DHTKD1: variants seen among roughly 807,000 people sequenced by gnomAD.
DHTKD1 encodes the protein dehydrogenase E1 and transketolase domain containing 1.
In DHTKD1, 78 loss-of-function variants were observed where a neutral mutation model predicts 101.8. The observed-to-expected ratio is 0.77, with a 90% CI of 0.64 to 0.93. The LOEUF (loss-of-function observed/expected upper bound fraction) is 0.93, where lower values mean the gene tolerates loss of function less well. Among genes scored for constraint, DHTKD1 ranks in the 40% least tolerant of loss-of-function variants. The probability of loss-of-function intolerance (pLI) is 0.00; values close to 1 mark genes in which losing one functional copy is unlikely to be tolerated. For missense variants in DHTKD1, 1,223 were observed against 1,161.7 expected (o/e 1.05, Z -0.77); for synonymous variants, 462 against 450.3 (o/e 1.03, Z -0.33).
At chr10:12,091,037 G>C (rs1371446558) in intron 5 of DHTKD1, among the ~76,000 whole-genome samples, 3 of 151,956 alleles carry the variant, frequency 2.0e-5, no homozygotes, top group Admixed American at 6.6e-5. Context: ...CTGGGCAACA[G>C]AGCGAGACTC....
In DHTKD1 at chr10:12,117,731, G is replaced by A. The variant is rs762495948; in HGVS notation, c.2378G>A (p.Gly793Asp). The change falls in exon 14 of 17, where the codon GGT becomes GAT. Residue 793 changes from glycine to aspartate, a missense_variant. Coordinates refer to ENST00000263035, the MANE Select transcript of DHTKD1 (RefSeq NM_018706.7). ...GGAACAACATTTAACCCGGTCATTGGTGATTCATCTGTGGATCCAAAAAAG... is the reference window on the plus strand; with the variant it reads ...GGAACAACATTTAACCCGGTCATTGATGATTCATCTGTGGATCCAAAAAAG... ...APGTTFNPVI[G>D]DSSVDPKKVK... 2.3e-5 allele frequency: 37 copies of A among 1,603,606 alleles called. No individual in the cohort carries two copies. The highest frequency in any genetic ancestry group is 3.1e-5 in the Non-Finnish European group (36 of 1,173,638).
intron 10 of DHTKD1, among the ~76,000 whole-genome samples, chr10:12,105,526 C>T (rs1201486809): frequency 6.6e-6 from 1 of 151,972 alleles, no homozygotes; most frequent in Non-Finnish European, 1.5e-5. Flanking sequence ...CCATGTTGCC[C>T]ATGTTGATCT....
At chr10:12,118,595 G>A (rs949128106) in intron 14 of DHTKD1, among the ~76,000 whole-genome samples, 154 bp from the exon 15 acceptor site, 2 of 151,818 alleles carry the variant, frequency 1.3e-5, no homozygotes, top group Non-Finnish European at 2.9e-5. Flanking sequence ...TGTTAGCCAG[G>A]ATGGTCTTGA....
rs1832817836 is a variant in DHTKD1 at position 12,081,501 on chromosome 10, G to A, written c.184G>A (p.Val62Ile). The change falls in exon 2 of 17, where the codon GTA (valine) becomes ATA (isoleucine). Residue 62 changes from valine (V) to isoleucine (I), a missense_variant. Transcript: ENST00000263035. ...VDHGLARLVT[V>I]YCEHGHKAAK... ...TCATGGCCTTGCCAGGTTGGTGACA[G>A]TATATTGTGAGCATGGTCATAAAGC... 1 of 1,614,094 alleles carries A rather than the reference G, an allele frequency of 6.2e-7. No homozygotes were observed.
At chr10:12,099,477 A>G (rs1044228135) in intron 8 of DHTKD1, among the ~76,000 whole-genome samples, 1 of 152,104 alleles carries the variant, frequency 6.6e-6, no homozygotes. Context: ...ATTTGAGTTC[A>G]GGGGTTCAAG....
chr10:12,097,883 A>G lies in DHTKD1; in HGVS notation c.1558A>G (p.Thr520Ala), dbSNP rs765330101. ...QGLAQPEAQI[T>A]TWSTGVPLDL... is the part of the protein sequence containing the mutation. ...CCTGGCTCAGCCAGAAGCGCAAATC[A>G]CCACCTGGAGTACAGGTGTGCCCCT... is the stretch of plus-strand genomic sequence containing the variant. Residue 520 changes from threonine to alanine, a missense_variant, in exon 8 of 17, where the codon ACC becomes GCC. Thr to Ala is a moderately conservative substitution (Grantham distance 58). Transcript: ENST00000263035. 1.2e-6 allele frequency: 2 copies of G among 1,614,152 alleles called. No individual in the cohort carries two copies. The highest frequency in any genetic ancestry group is 1.7e-6 in the Non-Finnish European group (2 of 1,180,022).
intron 12 of DHTKD1, among the ~76,000 whole-genome samples, chr10:12,108,663 A>G (rs943451483): frequency 1.1e-4 from 16 of 152,288 alleles, no homozygotes; most frequent in African/African-American, 3.8e-4. Context: ...CTCCTTTTGC[A>G]TGTTATTTCC....
chr10:12,115,113 A>T (rs942640086), intron 13 of DHTKD1, among the ~76,000 whole-genome samples: 5 of 117,052 alleles, frequency 4.3e-5, no homozygotes, highest in African/African-American at 1.3e-4. Context: ...CAGTTTCTTG[A>T]GATGGAGTGT....
chr10:12,085,017 C>G (rs1024273912), intron 3 of DHTKD1, among the ~76,000 whole-genome samples: 9 of 152,028 alleles, frequency 5.9e-5, no homozygotes, highest in African/African-American at 2.2e-4. Flanking sequence ...CGCCATTGCA[C>G]TCCACCCTGG....
chr10:12,096,187 G>A (rs1833069277), intron 7 of DHTKD1, among the ~76,000 whole-genome samples: 1 of 152,018 alleles, frequency 6.6e-6, no homozygotes, highest in Non-Finnish European at 1.5e-5. Flanking sequence ...TCCTTTTCTA[G>A]ATACTAGAAA....
chr10:12,099,001 C>T (rs570524380), intron 8 of DHTKD1, among the ~76,000 whole-genome samples: 3 of 152,106 alleles, frequency 2.0e-5, no homozygotes, highest in South Asian at 2.1e-4. Context: ...TGGACCTTAT[C>T]GCTAGTAAAG....
At chr10:12,095,669 C>T (rs1425758032) in intron 7 of DHTKD1, among the ~76,000 whole-genome samples, 9 of 151,720 alleles carry the variant, frequency 5.9e-5, no homozygotes, top group African/African-American at 1.7e-4. Context: ...AAAAATTAGC[C>T]GGGCGTGGTG....
intron 2 of DHTKD1, among the ~76,000 whole-genome samples, chr10:12,083,304 A>G (rs916027695): frequency 2.0e-4 from 31 of 152,216 alleles, no homozygotes; most frequent in African/African-American, 7.2e-4. Flanking sequence ...TCACAAAGAA[A>G]ATCTCACAAT....
rs568565170 is a variant in DHTKD1, at chr10:12,087,412, G to A, written c.523-123G>A. On this transcript the variant is annotated intron_variant, in intron 3 of 16. Coordinates refer to ENST00000263035, the MANE Select transcript of DHTKD1 (RefSeq NM_018706.7). This position sits in a 1 kb window ranked among gnomAD's most constrained non-coding sequence, Gnocchi z 5.2. ...GTCTCTCTCCGGGATATGTAGTAAA[G>A]TGGCATTGCTGTGGCCACTTGGGGA... 2 of 715,422 alleles carry A rather than the reference G, an allele frequency of 2.8e-6. No individual in the cohort carries two copies. Among genetic ancestry groups the A allele is most frequent in the Middle Eastern group, 4.2e-4 (1 of 2,402 alleles). 44.3% of individuals were successfully genotyped at this position (715,422 alleles called of 1,614,324 possible).
In DHTKD1 at chr10:12,112,923, G is replaced by T. The variant is rs1490939558; in HGVS notation, c.2178G>T (p.Gly726=). 1 of 1,609,874 alleles carries T rather than the reference G, an allele frequency of 6.2e-7. No homozygotes were observed. Among genetic ancestry groups the T allele is most frequent in the Non-Finnish European group, 8.5e-7 (1 of 1,178,338 alleles). The change falls in exon 13 of 17, where the codon GGG becomes GGT. Residue 726 remains glycine, a synonymous_variant. Coordinates refer to ENST00000263035, the MANE Select transcript of DHTKD1 (RefSeq NM_018706.7). ...FLQMCDSAEE[G]VDGDTVNMFV... The stretch of plus-strand genomic sequence containing the variant: ...AGATGTGTGACAGTGCGGAAGAGGG[G>T]GTGGACGGAGACACTGTGAACATGT...
At position 12,100,951 on chromosome 10, in the gene DHTKD1, G is replaced by A. The variant is rs1484603120; in HGVS notation, c.1757-91G>A. 64 of 1,340,048 alleles carry A rather than the reference G, an allele frequency of 4.8e-5. No individual in the cohort carries two copies. In the South Asian group the frequency reaches 7.8e-4, roughly 16 times the overall value. 83.0% of individuals were successfully genotyped at this position (1,340,048 alleles called of 1,614,324 possible). A position where few individuals can be genotyped will look rare whatever the true frequency, so the allele number is the denominator to read the frequency against. ...CTGTTATCCTAAGGAAAATTCTCAGGATTAAGCCAGTATATAAGAATTTAC... is the reference window on the plus strand; with the variant it reads ...CTGTTATCCTAAGGAAAATTCTCAGAATTAAGCCAGTATATAAGAATTTAC... On this transcript the variant is annotated intron_variant, in intron 9 of 16. Transcript: ENST00000263035.
chr10:12,107,943 C>G lies in DHTKD1; in HGVS notation c.2082C>G (p.Val694=). ...EAKWLLQSGI[V]ILLPHGYDGA... ...AGTGGCTCCTACAAAGCGGCATCGT[C>G]ATCCTCCTTCCACATGGCTACGATG... Residue 694 remains valine (V), a synonymous_variant, in exon 12 of 17, where the codon GTC becomes GTG. Transcript: ENST00000263035. The surrounding 1 kb of genome is among the most constrained non-coding windows in gnomAD (Gnocchi z 4.1). The G allele has an allele frequency of 6.2e-7, 1 of 1,613,954 alleles. No homozygotes were observed. The highest frequency in any genetic ancestry group is 1.1e-5 in the South Asian group (1 of 91,076).
Position 12,068,969 on chromosome 10 carries a change from T to C in DHTKD1, c.-65T>C. 6.3e-7 allele frequency: 1 copy of C among 1,593,016 alleles called. No homozygotes were observed. Among genetic ancestry groups the C allele is most frequent in the Admixed American group, 1.7e-5 (1 of 58,602 alleles). ...GGCCGCCTCTGACGAGTCCCGGATTTACCAGGGCCGGTGGGATCCCCTCGG... is the reference window on the plus strand; with the variant it reads ...GGCCGCCTCTGACGAGTCCCGGATTCACCAGGGCCGGTGGGATCCCCTCGG... On this transcript the variant is annotated 5_prime_UTR_variant, in exon 1 of 17. Transcript: ENST00000263035.
intron 13 of DHTKD1, among the ~76,000 whole-genome samples, chr10:12,113,398 A>G (rs915023479): frequency 4.6e-5 from 7 of 152,132 alleles, no homozygotes; most frequent in African/African-American, 1.7e-4. Flanking sequence ...GGGTTTCGCC[A>G]TCTTGGCCAG....
Sources: gnomAD v4.1 joint callset for allele counts (sites outside exome capture counted in the v4.1 genomes callset) on GRCh38, gnomAD v4.1.1 for gene constraint, Gnocchi (gnomAD v3.1) non-coding constraint, MANE v1.5 for transcripts, NCBI Gene and HGNC (gene_info 2026-07-23, HGNC 2026-07-21) for gene names.